Variants in SPATA31H1 observed in about 807,000 individuals in gnomAD.
The protein encoded by SPATA31H1 is SPATA31 subfamily H member 1, also known as spermatogenesis-associated protein 31H1.
chr2:27,573,921 ATGAAATC>A, the SPATA31H1 span: 1 of 398,560 alleles, frequency 2.5e-6, no homozygotes, highest in Non-Finnish European at 4.4e-6. Context: ...ACTTCCAGGT[ATGAAATC>A]TGAGGAGTTC....
At chr2:27,574,098 A>G in the SPATA31H1 span, 1 of 398,422 alleles carries the variant, frequency 2.5e-6, no homozygotes, top group Non-Finnish European at 4.4e-6. Flanking sequence ...TGTCAAATCT[A>G]CAGACTTCAA....
chr2:27,582,656 A>C, the SPATA31H1 span: 1 of 899,900 alleles, frequency 1.1e-6, no homozygotes, highest in African/African-American at 1.7e-5. Context: ...ATTTCTCTCT[A>C]CCGGGGGGGA....
At chr2:27,562,885 T>C in the SPATA31H1 span, among the ~76,000 whole-genome samples, 1 of 145,296 alleles carries the variant, frequency 6.9e-6, no homozygotes, top group East Asian at 2.0e-4. Context: ...AGATTCTGTC[T>C]CAAAAAAAAA....
chr2:27,564,816 T>C, the SPATA31H1 span, among the ~76,000 whole-genome samples: 4 of 152,040 alleles, frequency 2.6e-5, no homozygotes, highest in Non-Finnish European at 5.9e-5. Context: ...AAAAAAAAAT[T>C]GTTTTATTTG....
chr2:27,551,106 T>C, the SPATA31H1 span, among the ~76,000 whole-genome samples: 1 of 151,802 alleles, frequency 6.6e-6, no homozygotes, highest in South Asian at 2.1e-4. Flanking sequence ...GACAGGCTGG[T>C]CTCGAACTCC....
the SPATA31H1 span, chr2:27,571,126 T>C: frequency 2.5e-6 from 1 of 398,368 alleles, no homozygotes; most frequent in East Asian, 3.6e-5. Flanking sequence ...GGGCCACATT[T>C]GGGAGATGTG....
the SPATA31H1 span, chr2:27,571,744 G>A: frequency 2.0e-5 from 8 of 398,282 alleles, no homozygotes; most frequent in Non-Finnish European, 2.7e-5. Context: ...TTAAAGCTTC[G>A]AAGTTTAAAA....
the SPATA31H1 span, chr2:27,571,605 G>C: frequency 3.3e-5 from 13 of 398,474 alleles, no homozygotes; most frequent in African/African-American, 2.1e-4. Flanking sequence ...TTTTGCACCA[G>C]GGCCATTGCT....
At chr2:27,575,288 T>C in the SPATA31H1 span, 1 of 398,562 alleles carries the variant, frequency 2.5e-6, no homozygotes, top group Non-Finnish European at 4.4e-6. The surrounding 1 kb of genome is among the most constrained non-coding windows in gnomAD (Gnocchi z 4.1). Flanking sequence ...AGCAGCAAGA[T>C]GAGAAATCTC....
chr2:27,581,920 A>G, the SPATA31H1 span: 1,781 of 1,599,800 alleles, frequency 1.1e-3, 15 homozygotes, highest in African/African-American at 0.013. Context: ...AGAAGACATC[A>G]CAGTCCCTCA....
At chr2:27,542,123 G>A in the SPATA31H1 span, among the ~76,000 whole-genome samples, 29 of 152,102 alleles carry the variant, frequency 1.9e-4, 1 homozygote, top group Middle Eastern at 3.4e-3. Context: ...CTGGCTGGGC[G>A]CGGTGGCTCA....
At chr2:27,573,691 CA>C in the SPATA31H1 span, 1 of 398,458 alleles carries the variant, frequency 2.5e-6, no homozygotes. Flanking sequence ...GAGTTGACCC[CA>C]AGACCACAGC....
At chr2:27,544,529 ATTTT>A in the SPATA31H1 span, among the ~76,000 whole-genome samples, 1 of 125,122 alleles carries the variant, frequency 8.0e-6, no homozygotes. Context: ...GTTGACAACA[ATTTT>A]TTTTTTTTTT....
the SPATA31H1 span, among the ~76,000 whole-genome samples, chr2:27,544,594 G>A: frequency 7.0e-6 from 1 of 142,972 alleles, no homozygotes; most frequent in Non-Finnish European, 1.5e-5. Flanking sequence ...GAGTACAGTG[G>A]CGCAATCTTG....
At chr2:27,580,395 C>G in the SPATA31H1 span, 6 of 1,614,032 alleles carry the variant, frequency 3.7e-6, no homozygotes, top group South Asian at 6.6e-5. Context: ...GAATGAAAAA[C>G]GGGCTAAAGT....
chr2:27,539,167 GC>G, the SPATA31H1 span, among the ~76,000 whole-genome samples: 1 of 140,680 alleles, frequency 7.1e-6, no homozygotes, highest in Non-Finnish European at 1.5e-5. Context: ...GGGGGATTTG[GC>G]AGGGTCATAG....
At chr2:27,580,273 G>T in the SPATA31H1 span, 1 of 1,614,146 alleles carries the variant, frequency 6.2e-7, no homozygotes, top group Non-Finnish European at 8.5e-7. Flanking sequence ...TACATCAGGC[G>T]AGGACAACGC....
chr2:27,581,799 C>T, the SPATA31H1 span: 3 of 1,610,954 alleles, frequency 1.9e-6, no homozygotes, highest in Admixed American at 1.7e-5. Context: ...GAGAAGCCAT[C>T]ACAGTCCCTC....
chr2:27,560,432 C>T, the SPATA31H1 span, among the ~76,000 whole-genome samples: 2 of 151,538 alleles, frequency 1.3e-5, no homozygotes, highest in African/African-American at 2.4e-5. Context: ...GATTTTGAAG[C>T]CTAGGATGAA....
Sources: gnomAD v4.1 joint callset for allele counts (sites outside exome capture counted in the v4.1 genomes callset) on GRCh38, gnomAD v4.1.1 for gene constraint, Gnocchi (gnomAD v3.1) non-coding constraint, MANE v1.5 for transcripts, NCBI Gene and HGNC (gene_info 2026-07-23, HGNC 2026-07-21) for gene names.